Variants in PKNOX2 observed in about 807,000 individuals in gnomAD.
PKNOX2 encodes the protein PBX/knotted 1 homeobox 2.
In PKNOX2, 14 loss-of-function variants were observed where a neutral mutation model predicts 53.1. The observed-to-expected ratio is 0.26, with a 90% CI of 0.17 to 0.41. The LOEUF (loss-of-function observed/expected upper bound fraction) is 0.41. Among genes scored for constraint, PKNOX2 ranks in the 10% least tolerant of loss-of-function variants. The pLI, the probability that PKNOX2 is intolerant of heterozygous loss-of-function variation, is 1.00. For synonymous variants in PKNOX2, 257 were observed against 242.8 expected (o/e 1.06, Z -0.54); for missense variants, 496 against 602.8 (o/e 0.82, Z 1.85).
At chr11:125,326,242 G>A (rs1433239470) in intron 2 of PKNOX2, among the ~76,000 whole-genome samples, 6 of 152,230 alleles carry the variant, frequency 3.9e-5, no homozygotes, top group Non-Finnish European at 7.3e-5. Flanking sequence ...AGGGCAAGAG[G>A]CTGAGTTCAT....
chr11:125,191,852 T>C (rs926435823), intron 1 of PKNOX2, among the ~76,000 whole-genome samples: 1 of 152,196 alleles, frequency 6.6e-6, no homozygotes, highest in African/African-American at 2.4e-5. Flanking sequence ...AATAAGGTGT[T>C]GCAAAAACTA....
At chr11:125,356,829 G>C (rs377664734) in intron 4 of PKNOX2, among the ~76,000 whole-genome samples, 5 of 152,350 alleles carry the variant, frequency 3.3e-5, no homozygotes, top group East Asian at 1.9e-4. Context: ...GAGGCAAAAG[G>C]GGGTGGCTGG....
chr11:125,217,565 G>A (rs551348383), intron 1 of PKNOX2, among the ~76,000 whole-genome samples: 5 of 152,194 alleles, frequency 3.3e-5, no homozygotes, highest in East Asian at 1.9e-4. Flanking sequence ...TAGCGCAGGC[G>A]GGCACACAGG....
intron 2 of PKNOX2, among the ~76,000 whole-genome samples, chr11:125,272,553 G>A (rs1052506109): frequency 2.2e-4 from 34 of 152,070 alleles, no homozygotes; most frequent in South Asian, 6.2e-4. Flanking sequence ...ATTTCCTTCC[G>A]TGCCCTCTCT....
intron 1 of PKNOX2, among the ~76,000 whole-genome samples, chr11:125,219,744 G>C (rs1019927741): frequency 6.6e-6 from 1 of 152,168 alleles, no homozygotes; most frequent in African/African-American, 2.4e-5. Flanking sequence ...TGGGCAAAAA[G>C]CCAAAAAATT....
intron 5 of PKNOX2, among the ~76,000 whole-genome samples, chr11:125,381,883 G>T (rs1461814854): frequency 2.0e-5 from 3 of 152,260 alleles, no homozygotes; most frequent in Admixed American, 2.0e-4. Flanking sequence ...CATCATCCGA[G>T]GCTTAACTTA....
chr11:125,222,672 GTA>G (rs1425877657), intron 1 of PKNOX2, among the ~76,000 whole-genome samples: 4 of 144,794 alleles, frequency 2.8e-5, no homozygotes, highest in South Asian at 2.1e-4. Flanking sequence ...ATGTGTGTGT[GTA>G]TGTGTGTGCG....
At chr11:125,408,040 T>C (rs1955224338) in intron 7 of PKNOX2, among the ~76,000 whole-genome samples, 1 of 152,202 alleles carries the variant, frequency 6.6e-6, no homozygotes, top group Non-Finnish European at 1.5e-5. Flanking sequence ...TCACCTTGCC[T>C]GCAATGATGA....
rs1375183213 is a variant in PKNOX2 at position 125,326,061 on chromosome 11, C to A, written c.-129-5758C>A. On this transcript the variant is annotated intron_variant, in intron 2 of 12. Coordinates refer to ENST00000298282, the MANE Select transcript of PKNOX2 (RefSeq NM_001382323.2). ...CTTCATGTGACAGGAACAGTACTTT[C>A]CATGATCTCCATGGGTACAGTACTC... Among the ~76,000 whole-genome samples, 10 of 152,138 alleles carry A rather than the reference C, an allele frequency of 6.6e-5. No individual in the cohort carries two copies. The East Asian group carries it at 1.9e-3, about 29-fold the overall frequency.
At chr11:125,429,641 CCCTT>C (rs776281320) in intron 11 of PKNOX2, among the ~76,000 whole-genome samples, 1 of 152,198 alleles carries the variant, frequency 6.6e-6, no homozygotes, top group Non-Finnish European at 1.5e-5. Flanking sequence ...CTGATCCGAG[CCCTT>C]GGCTCTCTGG....
intron 10 of PKNOX2, among the ~76,000 whole-genome samples, chr11:125,416,143 A>G (rs1314542135): frequency 1.3e-5 from 2 of 151,432 alleles, no homozygotes; most frequent in African/African-American, 2.4e-5. Flanking sequence ...CTCTACTAAA[A>G]ATACAAAAAA....
chr11:125,236,839 T>G (rs1942739309), intron 2 of PKNOX2, among the ~76,000 whole-genome samples: 1 of 152,190 alleles, frequency 6.6e-6, no homozygotes, highest in Non-Finnish European at 1.5e-5. Flanking sequence ...TCTAAAAGTC[T>G]GAAGTTTCAG....
chr11:125,232,380 C>T (rs112487664), intron 1 of PKNOX2, among the ~76,000 whole-genome samples: 4 of 152,336 alleles, frequency 2.6e-5, no homozygotes, highest in South Asian at 2.1e-4. Context: ...TGTAAGGCAG[C>T]GTTCTACGAA....
At chr11:125,262,674 C>A (rs776269134) in intron 2 of PKNOX2, among the ~76,000 whole-genome samples, 4 of 152,094 alleles carry the variant, frequency 2.6e-5, no homozygotes, top group Admixed American at 2.6e-4. Context: ...CTCTCTACCC[C>A]ACAGGCTTTG....
chr11:125,306,382 A>G (rs1222830581), intron 2 of PKNOX2, among the ~76,000 whole-genome samples: 2 of 152,252 alleles, frequency 1.3e-5, no homozygotes, highest in East Asian at 1.9e-4. Context: ...TTTAGGTGCC[A>G]TTGAAGTCCA....
rs1295261645 is a variant in PKNOX2 at position 125,370,184 on chromosome 11, G to A, written c.227+2199G>A. Among the ~76,000 whole-genome samples the A allele has an allele frequency of 2.6e-5, 4 of 152,160 alleles. No individual in the cohort carries two copies. Among genetic ancestry groups the A allele is most frequent in the Admixed American group, 1.3e-4 (2 of 15,282 alleles). On this transcript the variant is annotated intron_variant, in intron 5 of 12. Coordinates refer to ENST00000298282, the MANE Select transcript of PKNOX2 (RefSeq NM_001382323.2). The surrounding 1 kb of genome is among the most constrained non-coding windows in gnomAD (Gnocchi z 4.1). Reference sequence around the variant, plus strand: ...TGTCCTAGCCTCTCTGAGCTTTCATGTCCCGATGGAACCTAAGCAGCAGAC... The same window carrying A: ...TGTCCTAGCCTCTCTGAGCTTTCATATCCCGATGGAACCTAAGCAGCAGAC...
chr11:125,363,783 A>C (rs1386736330), intron 4 of PKNOX2, among the ~76,000 whole-genome samples: 3 of 152,294 alleles, frequency 2.0e-5, no homozygotes, highest in South Asian at 2.1e-4. Flanking sequence ...AGAATGGAAG[A>C]AAGCTACTTG....
intron 2 of PKNOX2, among the ~76,000 whole-genome samples, chr11:125,299,371 C>T (rs546758953): frequency 3.2e-4 from 48 of 152,084 alleles, no homozygotes; most frequent in African/African-American, 9.9e-4. Context: ...AGTCTGAGTG[C>T]GTAACTCTGG....
chr11:125,293,787 GCTCACACACACACGCTCACACACA>G (rs1947469697), intron 2 of PKNOX2, among the ~76,000 whole-genome samples: 1 of 148,988 alleles, frequency 6.7e-6, no homozygotes, highest in South Asian at 2.1e-4. Flanking sequence ...ACACAGACAC[GCTCACACACACACGCTCACACACA>G]CTCACACACA....
Sources: gnomAD v4.1 joint callset for allele counts (sites outside exome capture counted in the v4.1 genomes callset) on GRCh38, gnomAD v4.1.1 for gene constraint, Gnocchi (gnomAD v3.1) non-coding constraint, MANE v1.5 for transcripts, NCBI Gene and HGNC (gene_info 2026-07-23, HGNC 2026-07-21) for gene names.